Variants in PARL observed in about 807,000 individuals in gnomAD.
The protein encoded by PARL is presenilin-associated rhomboid-like protein, mitochondrial.
In PARL, 44 loss-of-function variants were observed where a neutral mutation model predicts 51.6. The ratio of observed to expected loss-of-function variants is 0.85; its 90% confidence interval spans 0.67 to 1.10. The LOEUF is 1.10. Among genes scored for constraint, PARL ranks in the 50% least tolerant of loss-of-function variants. The pLI is 0.00. For synonymous variants in PARL, 172 were observed against 164.0 expected (o/e 1.05, Z -0.37); for missense variants, 441 against 469.5 (o/e 0.94, Z 0.56).
chr3:183,834,163 C>T (rs754953035), intron 7 of PARL, among the ~76,000 whole-genome samples: 3 of 152,220 alleles, frequency 2.0e-5, no homozygotes, highest in South Asian at 2.1e-4. Flanking sequence ...AAAGCTCCAA[C>T]CAGAGGGAGT....
At chr3:183,853,536 A>C (rs1017010943) in intron 4 of PARL, among the ~76,000 whole-genome samples, 2 of 152,222 alleles carry the variant, frequency 1.3e-5, no homozygotes, top group South Asian at 4.1e-4. Context: ...TGGGCGAAAG[A>C]GCAAGACTCT....
Position 183,867,798 on chromosome 3 carries a change from T to C in PARL, c.321+67A>G, listed in dbSNP as rs1477207261. ...TGTCCTTACTTTAAGGGAGCCCAAA[T>C]GGGACAAAGTACTTTAACACTGCAT... On this transcript the variant is annotated intron_variant, in intron 2 of 9. Coordinates refer to ENST00000317096, the MANE Select transcript of PARL (RefSeq NM_018622.7). The C allele has an allele frequency of 3.4e-6, 4 of 1,179,520 alleles. No homozygotes were observed. In the African/African-American group the frequency reaches 4.5e-5, roughly 13 times the overall value. 73.1% of individuals were successfully genotyped at this position (1,179,520 alleles called of 1,614,324 possible). A position where few individuals can be genotyped will look rare whatever the true frequency, so the allele number is the denominator to read the frequency against.
chr3:183,828,892 A>G (rs1285124196), downstream of PARL, among the ~76,000 whole-genome samples: 1 of 152,218 alleles, frequency 6.6e-6, no homozygotes, highest in African/African-American at 2.4e-5. Flanking sequence ...CATGAATTCC[A>G]CAACAGTGAG....
chr3:183,873,548 C>CA lies in PARL; in HGVS notation c.126-5489dup, dbSNP rs11360774. On this transcript the variant is annotated intron_variant, in intron 1 of 9. Coordinates refer to ENST00000317096, the MANE Select transcript of PARL (RefSeq NM_018622.7). ...TGAGTGACAGAGCAAGACTCCGTCT[C>CA]AAAAAAAAAAAAATTAATTAATTAA... Among the ~76,000 whole-genome samples the CA allele has an allele frequency of 8.2e-3, 1,187 of 144,004 alleles. 2 individuals carry two copies. Among genetic ancestry groups the CA allele is most frequent in the Non-Finnish European group, 0.012 (770 of 65,882 alleles). 94.5% of individuals were successfully genotyped at this position (144,004 alleles called of 152,430 possible).
Position 183,840,600 on chromosome 3 carries a change from G to T in PARL, c.798C>A (p.Ala266=). The T allele has an allele frequency of 6.4e-7, 1 of 1,565,002 alleles. No individual in the cohort carries two copies. Among genetic ancestry groups the T allele is most frequent in the South Asian group, 1.2e-5 (1 of 86,332 alleles). ...CAAGTGATGGTCCATATCTTCCTGT[G>T]GCAACTTTACCCACGTAACTGACAA... The part of the protein sequence containing the change: ...SNFVSYVGKV[A]TGRYGPSLGA... Residue 266 remains alanine (A), a synonymous_variant, in exon 7 of 10, where the codon GCC becomes GCA. Coordinates refer to ENST00000317096, the MANE Select transcript of PARL (RefSeq NM_018622.7).
At chr3:183,827,886 G>T (rs1727544479), downstream of PARL, among the ~76,000 whole-genome samples, 1 of 152,216 alleles carries the variant, frequency 6.6e-6, no homozygotes, top group East Asian at 1.9e-4. Context: ...ACCCACTCAA[G>T]AAGTGTATGG....
intron 9 of PARL, among the ~76,000 whole-genome samples, chr3:183,831,122 T>C (rs1179319415): frequency 3.3e-5 from 5 of 152,074 alleles, no homozygotes; most frequent in Non-Finnish European, 7.4e-5. Flanking sequence ...ATTACAGGCA[T>C]GCACCACCAC....
At position 183,842,373 on chromosome 3, in the gene PARL, CAT is replaced by C; in HGVS notation, c.680_681del (p.Tyr227CysfsTer37). On this transcript the variant is annotated frameshift_variant, in exon 6 of 10. Transcript: ENST00000317096. LOFTEE classifies it high-confidence loss of function. The stretch of plus-strand genomic sequence containing the variant: ...ATGCTGGAAGAGAAGCTCCACAAAA[CAT>C]ACATATTTGCTGCCATGTGAAATAA... ...FSLFHMAANM[Y>X]VLWSFSSSIV... The C allele has an allele frequency of 6.2e-7, 1 of 1,613,896 alleles. No homozygotes were observed.
chr3:183,833,542 T>G lies in PARL; in HGVS notation c.978A>C (p.Gly326=). The G allele has an allele frequency of 6.2e-7, 1 of 1,613,964 alleles. No individual in the cohort carries two copies. Among genetic ancestry groups the G allele is most frequent in the Non-Finnish European group, 8.5e-7 (1 of 1,179,880 alleles). Residue 326 remains glycine, a synonymous_variant, in exon 9 of 10, where the codon GGA becomes GGC. Coordinates refer to ENST00000317096, the MANE Select transcript of PARL (RefSeq NM_018622.7). ...IAMDTAGMIL[G]WKFFDHAAHL... is the part of the protein sequence containing the mutation. ...GTGCCGCATGATCAAAAAATTTCCATCCCAGGATCATTCCTGCTGTATCCA... is the reference window on the plus strand; with the variant it reads ...GTGCCGCATGATCAAAAAATTTCCAGCCCAGGATCATTCCTGCTGTATCCA...
downstream of PARL, among the ~76,000 whole-genome samples, chr3:183,828,337 G>A (rs942180088): frequency 9.2e-5 from 14 of 152,304 alleles, 1 homozygote; most frequent in South Asian, 2.1e-3. Flanking sequence ...TCTGGAAAAC[G>A]CATCTTGCCT....
intron 4 of PARL, among the ~76,000 whole-genome samples, chr3:183,860,696 T>C (rs1220768371): frequency 6.6e-6 from 1 of 152,206 alleles, no homozygotes; most frequent in Non-Finnish European, 1.5e-5. Flanking sequence ...TCTTCATATG[T>C]TAAATGGCAT....
intron 7 of PARL, among the ~76,000 whole-genome samples, chr3:183,839,009 T>TA (rs1213728386): frequency 2.0e-5 from 3 of 152,220 alleles, no homozygotes; most frequent in African/African-American, 7.2e-5. Context: ...TGCCTTCATA[T>TA]ATTAGGTGCT....
chr3:183,846,372 A>C (rs1729952144), intron 4 of PARL: 1 of 189,156 alleles, frequency 5.3e-6, no homozygotes, highest in Non-Finnish European at 9.8e-6. Flanking sequence ...GCATGCCTGT[A>C]GTCCCGGTTA....
rs1480825714 is a variant in PARL, at chr3:183,829,462, G to T, written c.*136C>A. ...CATTCTAAAAAGACACGGACTGGGGGACACAGCTGAAAACAGTGGGAGGCC... is the reference window on the plus strand; with the variant it reads ...CATTCTAAAAAGACACGGACTGGGGTACACAGCTGAAAACAGTGGGAGGCC... On this transcript the variant is annotated 3_prime_UTR_variant, in exon 10 of 10. Transcript: ENST00000317096. The T allele has an allele frequency of 9.4e-6, 15 of 1,603,758 alleles. No individual in the cohort carries two copies. The East Asian group carries it at 3.4e-4, about 36-fold the overall frequency.
intron 4 of PARL, among the ~76,000 whole-genome samples, chr3:183,850,141 G>A (rs1443301891): frequency 1.3e-5 from 2 of 152,154 alleles, no homozygotes; most frequent in African/African-American, 4.8e-5. Context: ...TACAGCTGTT[G>A]TAACACAAAC....
intron 9 of PARL, 117 bp from the exon 10 acceptor site, chr3:183,829,826 C>T (rs768957592): frequency 9.7e-6 from 8 of 823,930 alleles, no homozygotes; most frequent in African/African-American, 1.7e-5. Flanking sequence ...ACTATGTAGC[C>T]GATTAAAACT....
At chr3:183,844,420 T>C in intron 4 of PARL, 94 bp from the exon 5 acceptor site, 7 of 831,330 alleles carry the variant, frequency 8.4e-6, no homozygotes, top group Non-Finnish European at 1.2e-5. Flanking sequence ...TCCACAATTA[T>C]GTAAGAGTAC....
At position 183,884,741 on chromosome 3, in the gene PARL, G is replaced by A; in HGVS notation, c.106C>T (p.Pro36Ser). ...CEELTAVLTP[P>S]QLLGRRFNFF... ...TATTACCTGCGTCCGAGGAGCTGCG[G>A]CGGGGTTAGGACCGCAGTGAGCTCC... The change falls in exon 1 of 10, where the codon CCG becomes TCG. Residue 36 changes from proline to serine, a missense_variant. Pro to Ser is a moderately conservative substitution (Grantham distance 74, BLOSUM62 -1). Coordinates refer to ENST00000317096, the MANE Select transcript of PARL (RefSeq NM_018622.7). 1.9e-6 allele frequency: 3 copies of A among 1,580,756 alleles called. No homozygotes were observed. Among genetic ancestry groups the A allele is most frequent in the South Asian group, 1.1e-5 (1 of 88,080 alleles).
At chr3:183,854,228 T>C (rs1416168038) in intron 4 of PARL, among the ~76,000 whole-genome samples, 7 of 152,092 alleles carry the variant, frequency 4.6e-5, no homozygotes, top group African/African-American at 1.4e-4. Context: ...CGCGACAGAG[T>C]GAGATTCCAT....
Sources: allele counts gnomAD v4.1 joint callset (sites outside exome capture counted in the v4.1 genomes callset), GRCh38; gene constraint gnomAD v4.1.1; transcripts MANE v1.5; gene names NCBI Gene and HGNC (gene_info 2026-07-23, HGNC 2026-07-21).